Variants in TENM3 observed in about 807,000 individuals in gnomAD.
The protein encoded by TENM3 is teneurin transmembrane protein 3.
TENM3 carries 63 observed loss-of-function variants against 255.1 expected under a neutral mutation model. The ratio of observed to expected loss-of-function variants is 0.25; its 90% confidence interval spans 0.20 to 0.30. TENM3 has a LOEUF of 0.30. TENM3 is among the 10% of genes least tolerant of loss of function. The pLI is 1.00. For missense variants in TENM3, 2,929 were observed against 3,461.1 expected, an observed-to-expected ratio of 0.85 and a Z score of 3.86; for synonymous variants, 1,306 against 1,322.3, an observed-to-expected ratio of 0.99 and a Z score of 0.27.
the TENM3 span, among the ~76,000 whole-genome samples, chr4:181,476,450 A>C: frequency 6.6e-6 from 1 of 152,080 alleles, no homozygotes; most frequent in African/African-American, 2.4e-5. Flanking sequence ...ATTTATTTAT[A>C]GGGTGTGATA....
chr4:182,508,067 A>C (rs1323435609), intron 3 of TENM3, among the ~76,000 whole-genome samples: 3 of 152,172 alleles, frequency 2.0e-5, no homozygotes, highest in Non-Finnish European at 4.4e-5. Flanking sequence ...GGGTGGACTG[A>C]AACAGTTCAT....
At chr4:181,927,447 C>G in the TENM3 span, among the ~76,000 whole-genome samples, 1 of 152,260 alleles carries the variant, frequency 6.6e-6, no homozygotes, top group East Asian at 1.9e-4. Flanking sequence ...CTCAGCAAAG[C>G]CACTGTGGCC....
chr4:181,733,802 G>A, the TENM3 span, among the ~76,000 whole-genome samples: 1 of 152,166 alleles, frequency 6.6e-6, no homozygotes, highest in Non-Finnish European at 1.5e-5. Flanking sequence ...TTGTTTTTCA[G>A]GACCACTTGG....
chr4:182,763,681 TAAAAG>T (rs2152772357), intron 22 of TENM3, among the ~76,000 whole-genome samples: 1 of 152,288 alleles, frequency 6.6e-6, no homozygotes, highest in South Asian at 2.1e-4. Context: ...GTTATAGTAA[TAAAAG>T]AAAGGTTACA....
At chr4:182,380,370 G>A (rs1767483068) in intron 3 of TENM3, among the ~76,000 whole-genome samples, 2 of 152,194 alleles carry the variant, frequency 1.3e-5, no homozygotes, top group South Asian at 4.1e-4. Flanking sequence ...GATAAATGGA[G>A]GAGTTGTGTG....
rs375490198 is a variant in TENM3 at position 182,146,362 on chromosome 4, GGTTA to G, written c.-76+1612_-76+1615del. On this transcript the variant is annotated intron_variant, in intron 1 of 2. Transcript: ENST00000512480. ...TTTAATTCTTGATCTAAGAGTGAGAGGTTAGTTCAGTAATAAGACTTGCTAATCC... is the reference window on the plus strand; with the variant it reads ...TTTAATTCTTGATCTAAGAGTGAGAGGTTCAGTAATAAGACTTGCTAATCC... Among the ~76,000 whole-genome samples the G allele has an allele frequency of 2.5e-4, 38 of 152,172 alleles. No individual in the cohort carries two copies. The South Asian group carries it at 7.9e-3, about 32-fold the overall frequency.
chr4:182,071,845 A>G, the TENM3 span, among the ~76,000 whole-genome samples: 61 of 152,010 alleles, frequency 4.0e-4, no homozygotes, highest in Non-Finnish European at 7.9e-4. Context: ...TTTTTTGGCC[A>G]ATTACTGTAC....
At chr4:181,816,427 T>A in the TENM3 span, among the ~76,000 whole-genome samples, 1 of 152,216 alleles carries the variant, frequency 6.6e-6, no homozygotes, top group East Asian at 1.9e-4. Flanking sequence ...AGTAATTTAC[T>A]TAGGCTCCCT....
the TENM3 span, among the ~76,000 whole-genome samples, chr4:182,069,865 G>T: frequency 6.6e-6 from 1 of 152,134 alleles, no homozygotes; most frequent in Admixed American, 6.6e-5. Context: ...CTTCTTCAAG[G>T]TAAGGACAGC....
At chr4:182,297,969 C>T (rs1315042860) in intron 1 of TENM3, among the ~76,000 whole-genome samples, 2 of 152,212 alleles carry the variant, frequency 1.3e-5, no homozygotes, top group Non-Finnish European at 2.9e-5. Context: ...GCCTGTGCTG[C>T]GGCTTCTGCC....
Position 182,793,609 on chromosome 4 carries a change from C to T in TENM3, c.6937C>T (p.Leu2313=), listed in dbSNP as rs1413855172. The T allele has an allele frequency of 6.2e-7, 1 of 1,613,964 alleles. No individual in the cohort carries two copies. Among genetic ancestry groups the T allele is most frequent in the Admixed American group, 1.7e-5 (1 of 60,018 alleles). Residue 2313 remains leucine, a synonymous_variant, in exon 26 of 28, where the codon CTG becomes TTG. Coordinates refer to ENST00000511685, the MANE Select transcript of TENM3 (RefSeq NM_001080477.4). This position sits in a 1 kb window ranked among gnomAD's most constrained non-coding sequence, Gnocchi z 5.7. ...LAVFSSNGLM[L]KQIQYTAYGE... Reference sequence around the variant, plus strand: ...TGTGTTCAGTAGCAATGGGCTTATGCTGAAACAGATTCAGTACACTGCATA... The same window carrying T: ...TGTGTTCAGTAGCAATGGGCTTATGTTGAAACAGATTCAGTACACTGCATA...
At chr4:181,499,704 G>A in the TENM3 span, among the ~76,000 whole-genome samples, 2 of 152,134 alleles carry the variant, frequency 1.3e-5, no homozygotes, top group Admixed American at 6.6e-5. Context: ...AGCTGGGTGG[G>A]GTAAAGGGAT....
At chr4:182,755,489 C>A in intron 22 of TENM3, 1 of 466,572 alleles carries the variant, frequency 2.1e-6, no homozygotes, top group Non-Finnish European at 3.8e-6. Context: ...CCACAGTGAG[C>A]TATGATTGTG....
chr4:182,620,518 A>G (rs1486058093), intron 4 of TENM3, among the ~76,000 whole-genome samples: 1 of 152,242 alleles, frequency 6.6e-6, no homozygotes, highest in Admixed American at 6.5e-5. Context: ...CATAGATCAT[A>G]GTAATGTCTA....
At chr4:181,463,530 A>G in the TENM3 span, among the ~76,000 whole-genome samples, 8 of 152,224 alleles carry the variant, frequency 5.3e-5, no homozygotes, top group Non-Finnish European at 1.0e-4. Flanking sequence ...TTTAAGAACT[A>G]TATTTAAAAT....
intron 1 of TENM3, among the ~76,000 whole-genome samples, chr4:182,323,604 C>T (rs1489509362): frequency 6.6e-6 from 1 of 152,128 alleles, no homozygotes; most frequent in Admixed American, 6.6e-5. Context: ...TCTAACTTTT[C>T]CATTGTGGAA....
At chr4:182,503,589 G>A (rs1031233111) in intron 3 of TENM3, among the ~76,000 whole-genome samples, 2 of 152,118 alleles carry the variant, frequency 1.3e-5, no homozygotes, top group Admixed American at 1.3e-4. Context: ...CCTGGGATTG[G>A]CAGGCTCAGG....
chr4:181,705,057 A>AAAC, the TENM3 span, among the ~76,000 whole-genome samples: 1 of 150,048 alleles, frequency 6.7e-6, no homozygotes, highest in Non-Finnish European at 1.5e-5. Context: ...AAAACAAAAA[A>AAAC]AAAAAAACAA....
At chr4:182,055,858 A>C in the TENM3 span, among the ~76,000 whole-genome samples, 1 of 152,182 alleles carries the variant, frequency 6.6e-6, no homozygotes, top group African/African-American at 2.4e-5. Context: ...AAATATGATT[A>C]ATGATAGCAG....
Sources: gnomAD v4.1 joint callset for allele counts (sites outside exome capture counted in the v4.1 genomes callset) on GRCh38, gnomAD v4.1.1 for gene constraint, Gnocchi (gnomAD v3.1) non-coding constraint, MANE v1.5 for transcripts, NCBI Gene and HGNC (gene_info 2026-07-23, HGNC 2026-07-21) for gene names.